Variants in MYO10 observed in about 807,000 individuals in gnomAD.
MYO10 encodes the protein unconventional myosin-X.
MYO10 carries 133 observed loss-of-function variants against 257.3 expected under a neutral mutation model. The ratio of observed to expected loss-of-function variants is 0.52; its 90% confidence interval spans 0.45 to 0.60. The LOEUF (loss-of-function observed/expected upper bound fraction) is 0.60, where lower values mean the gene tolerates loss of function less well. MYO10 is among the 20% of genes least tolerant of loss of function. MYO10 has a pLI of 0.00. For missense variants in MYO10, 2,399 were observed against 2,635.7 expected, an observed-to-expected ratio of 0.91 and a Z score of 1.97; for synonymous variants, 1,104 against 1,028.6, an observed-to-expected ratio of 1.07 and a Z score of -1.40.
At chr5:16,818,377 T>C (rs1419073474) in intron 2 of MYO10, among the ~76,000 whole-genome samples, 10 of 57,486 alleles carry the variant, frequency 1.7e-4, no homozygotes, top group East Asian at 6.4e-4. Context: ...TGTGTGTGTG[T>C]GTGCGTGTGT....
chr5:16,762,143 A>AAAAAAAAACAAAAAAAT, intron 15 of MYO10, 30 bp from the exon 16 acceptor site: 1 of 1,091,652 alleles, frequency 9.2e-7, no homozygotes, highest in Non-Finnish European at 1.2e-6. Flanking sequence ...AAAAAAAAAA[A>AAAAAAAAACAAAAAAAT]ATACAATGCC....
At chr5:16,706,911 A>C (rs1738371647) in intron 21 of MYO10, among the ~76,000 whole-genome samples, 1 of 152,188 alleles carries the variant, frequency 6.6e-6, no homozygotes, top group Non-Finnish European at 1.5e-5. Flanking sequence ...TTAGACAATG[A>C]CAGAAGGAAA....
chr5:16,679,808 A>C, intron 33 of MYO10, 139 bp downstream of exon 33: 1 of 1,163,070 alleles, frequency 8.6e-7, no homozygotes, highest in Non-Finnish European at 1.2e-6. Flanking sequence ...TACAGGCGTG[A>C]GCCACCGTGC....
chr5:16,799,246 G>A (rs996860342), intron 3 of MYO10, among the ~76,000 whole-genome samples: 2 of 129,774 alleles, frequency 1.5e-5, no homozygotes, highest in Non-Finnish European at 1.7e-5. Flanking sequence ...GATGACATGG[G>A]CTTTGAATGA....
chr5:16,794,001 C>T (rs1281804263), intron 4 of MYO10, among the ~76,000 whole-genome samples: 1 of 151,710 alleles, frequency 6.6e-6, no homozygotes, highest in Non-Finnish European at 1.5e-5. Context: ...GATATTGGGG[C>T]TCCTAATAGT....
intron 4 of MYO10, 60 bp downstream of exon 4, chr5:16,794,586 G>C (rs758598853): frequency 9.0e-5 from 133 of 1,476,640 alleles, no homozygotes; most frequent in Admixed American, 5.4e-4. Context: ...GCTGGGGTTG[G>C]GGGTGCGCGG....
At chr5:16,885,633 C>T (rs1313340817) in intron 1 of MYO10, among the ~76,000 whole-genome samples, 1 of 151,936 alleles carries the variant, frequency 6.6e-6, no homozygotes, top group East Asian at 1.9e-4. Flanking sequence ...GATCATACCA[C>T]TGCACTCCAG....
chr5:16,818,489 TGCA>T (rs1304013950), intron 2 of MYO10, among the ~76,000 whole-genome samples: 10 of 151,182 alleles, frequency 6.6e-5, no homozygotes, highest in Non-Finnish European at 1.3e-4. Flanking sequence ...CAGGCTGGAG[TGCA>T]GTGGCATGAT....
intron 3 of MYO10, among the ~76,000 whole-genome samples, chr5:16,812,989 A>G (rs975804098): frequency 6.6e-6 from 1 of 152,008 alleles, no homozygotes. Flanking sequence ...AGCTACAATA[A>G]AAAAATATTT....
rs1411225135 is a variant in MYO10 at position 16,766,109 on chromosome 5, C to G, written c.1150G>C (p.Glu384Gln). 1 of 1,613,378 alleles carries G rather than the reference C, an allele frequency of 6.2e-7. No individual in the cohort carries two copies. ...TGAACATTGAGAGGCGTGAGGATCT[C>G]TTCTCCCCTGAGGAACATTGATCTC... ...TQRSMFLRGE[E>Q]ILTPLNVQQA... The change falls in exon 11 of 41, where the codon GAG becomes CAG. Residue 384 changes from glutamate (E) to glutamine (Q), a missense_variant. Coordinates refer to ENST00000513610, the MANE Select transcript of MYO10 (RefSeq NM_012334.3).
At chr5:16,899,371 A>C (rs1009883991) in intron 1 of MYO10, among the ~76,000 whole-genome samples, 3 of 151,962 alleles carry the variant, frequency 2.0e-5, no homozygotes, top group East Asian at 3.9e-4. Context: ...GCGATGACTC[A>C]CGCCTGTAAT....
intron 1 of MYO10, among the ~76,000 whole-genome samples, chr5:16,895,677 T>A (rs965254441): frequency 4.0e-5 from 6 of 150,042 alleles, no homozygotes; most frequent in Non-Finnish European, 5.9e-5. Flanking sequence ...TCCCCATCCA[T>A]CCATCTCCCT....
At chr5:16,815,170 A>AT (rs981565372) in intron 3 of MYO10, 3 of 390,404 alleles carry the variant, frequency 7.7e-6, no homozygotes, top group African/African-American at 2.1e-5. Context: ...TACAAAAAAA[A>AT]ACAAACTTGT....
chr5:16,784,923 TG>T (rs1741529801), intron 4 of MYO10, among the ~76,000 whole-genome samples: 2 of 152,236 alleles, frequency 1.3e-5, no homozygotes, highest in African/African-American at 2.4e-5. Context: ...GCGACAGGCC[TG>T]GGCAGGGGCC....
At chr5:16,784,234 T>C (rs1347211861) in intron 4 of MYO10, among the ~76,000 whole-genome samples, 9 of 152,182 alleles carry the variant, frequency 5.9e-5, no homozygotes, top group Admixed American at 5.9e-4. Context: ...GAGAATGAGA[T>C]CCAGGTCTGG....
Position 16,877,654 on chromosome 5 carries a change from A to AT in MYO10, c.74dup (p.Asn25LysfsTer43). On this transcript the variant is annotated frameshift_variant, in exon 2 of 41. Coordinates refer to ENST00000513610, the MANE Select transcript of MYO10 (RefSeq NM_012334.3). LOFTEE classifies it high-confidence loss of function. ...AGACGACGATGCCTTCTGCACAGGAATTTACAGTACTTGGAAAATGCTGGC... is the reference window on the plus strand; with the variant it reads ...AGACGACGATGCCTTCTGCACAGGAATTTTACAGTACTTGGAAAATGCTGGC... 6.2e-7 allele frequency: 1 copy of AT among 1,613,892 alleles called. No individual in the cohort carries two copies. Among genetic ancestry groups the AT allele is most frequent in the South Asian group, 1.1e-5 (1 of 91,050 alleles).
At chr5:16,814,339 G>A (rs1179323653) in intron 3 of MYO10, among the ~76,000 whole-genome samples, 3 of 151,802 alleles carry the variant, frequency 2.0e-5, no homozygotes, top group Non-Finnish European at 4.4e-5. Flanking sequence ...TAGTGGAGAC[G>A]GGGTTTCACC....
At chr5:16,913,469 T>C (rs29454) in intron 1 of MYO10, among the ~76,000 whole-genome samples, 106,552 of 152,102 alleles carry the variant, frequency 0.7, 37,538 homozygotes, top group East Asian at 0.81. Context: ...TTAATTTTGG[T>C]TTTCACCCTG....
At chr5:16,878,994 AAAAG>A (rs1561034386) in intron 1 of MYO10, among the ~76,000 whole-genome samples, 1 of 151,314 alleles carries the variant, frequency 6.6e-6, no homozygotes, top group African/African-American at 2.5e-5. Context: ...TTAAAAAAAA[AAAAG>A]AAAAAAAAAG....
Sources: allele counts gnomAD v4.1 joint callset (sites outside exome capture counted in the v4.1 genomes callset), GRCh38; gene constraint gnomAD v4.1.1; transcripts MANE v1.5; gene names NCBI Gene and HGNC (gene_info 2026-07-23, HGNC 2026-07-21).